The following CADM2 variants were observed in gnomAD, a reference collection of about 807,000 sequenced individuals.
The protein encoded by CADM2 is immunoglobulin superfamily member 4D.
A neutral mutation model predicts 49.8 loss-of-function variants in CADM2; 12 were observed. The observed-to-expected ratio is 0.24, with a 90% CI of 0.15 to 0.39. CADM2 has a LOEUF of 0.39. CADM2 is among the 10% of genes least tolerant of loss of function. The pLI is 1.00. For synonymous variants in CADM2, 214 were observed against 175.4 expected, an observed-to-expected ratio of 1.22 and a Z score of -1.74; for missense variants, 378 against 492.3, an observed-to-expected ratio of 0.77 and a Z score of 2.20.
rs906303557 is a variant in CADM2 at position 86,017,306 on chromosome 3, G to A, written c.971-48299G>A. ...AGTTCTATGATTTGGTCAAATAGAT[G>A]TTATTCCTAAGCTCCTAGACATGTT... On this transcript the variant is annotated intron_variant, in intron 8 of 9. Transcript: ENST00000383699. Among the ~76,000 whole-genome samples the A allele has an allele frequency of 7.9e-5, 12 of 151,770 alleles. 1 individual carries two copies. The highest frequency in any genetic ancestry group is 4.6e-4 in the Admixed American group (7 of 15,210).
intron 1 of CADM2, among the ~76,000 whole-genome samples, chr3:85,064,880 A>G (rs1355250003): frequency 1.3e-5 from 2 of 152,014 alleles, no homozygotes; most frequent in Non-Finnish European, 2.9e-5. Flanking sequence ...CACTGTGCAC[A>G]TTTTCTCTTC....
chr3:85,049,502 CA>C (rs897866642), intron 1 of CADM2, among the ~76,000 whole-genome samples: 10 of 151,866 alleles, frequency 6.6e-5, no homozygotes, highest in African/African-American at 1.7e-4. Flanking sequence ...AGGCTCACAC[CA>C]CCACACCCGG....
intron 2 of CADM2, among the ~76,000 whole-genome samples, chr3:85,730,645 T>C (rs2067892229): frequency 6.6e-6 from 1 of 152,128 alleles, no homozygotes; most frequent in Non-Finnish European, 1.5e-5. Context: ...AGAAAGGTAC[T>C]TTAAAGTAGT....
intron 1 of CADM2, among the ~76,000 whole-genome samples, chr3:85,522,497 A>G (rs980419108): frequency 6.6e-6 from 1 of 152,280 alleles, no homozygotes; most frequent in East Asian, 1.9e-4. Context: ...TTAATACTGT[A>G]GTCAAATTGT....
chr3:85,302,307 A>G (rs1197449820), intron 1 of CADM2, among the ~76,000 whole-genome samples: 1 of 152,040 alleles, frequency 6.6e-6, no homozygotes, highest in Non-Finnish European at 1.5e-5. Context: ...GATACATCCC[A>G]GACTTTGAGG....
At chr3:85,522,295 A>T (rs923819453) in intron 1 of CADM2, among the ~76,000 whole-genome samples, 1 of 152,144 alleles carries the variant, frequency 6.6e-6, no homozygotes, top group Admixed American at 6.5e-5. Flanking sequence ...ATCTGAAAAT[A>T]TTTCAAAACT....
intron 1 of CADM2, among the ~76,000 whole-genome samples, chr3:85,498,304 G>A (rs2039986538): frequency 6.6e-6 from 1 of 151,772 alleles, no homozygotes; most frequent in Admixed American, 6.6e-5. Context: ...CCCTTTCACA[G>A]AAAATAACAA....
At position 86,034,194 on chromosome 3, in the gene CADM2, C is replaced by T. The variant is rs528820567; in HGVS notation, c.971-31411C>T. Among the ~76,000 whole-genome samples, 11 of 152,006 alleles carry T rather than the reference C, an allele frequency of 7.2e-5. No individual in the cohort carries two copies. In the East Asian group the frequency reaches 2.1e-3, roughly 29 times the overall value. On this transcript the variant is annotated intron_variant, in intron 8 of 9. Transcript: ENST00000383699. The stretch of plus-strand genomic sequence containing the variant: ...ATTCTTCTTCTCATTTTACTACTTC[C>T]TGGTGAATTTCATCTAATTTAGTCA...
rs570168482 is a variant in CADM2, at chr3:86,006,817, G to A, written c.970+45170G>A. On this transcript the variant is annotated intron_variant, in intron 8 of 9. Transcript: ENST00000383699. ...GCACTTTGGGAGGCTGAGGTGGGCAGATCACCTGAGGTCAGGAGTTCGAGA... is the reference window on the plus strand; with the variant it reads ...GCACTTTGGGAGGCTGAGGTGGGCAAATCACCTGAGGTCAGGAGTTCGAGA... Among the ~76,000 whole-genome samples, 103 of 152,128 alleles carry A rather than the reference G, an allele frequency of 6.8e-4. No homozygotes were observed. In the South Asian group the frequency reaches 0.02, roughly 30 times the overall value.
chr3:85,450,227 G>A (rs993135), intron 1 of CADM2, among the ~76,000 whole-genome samples: 117,490 of 152,032 alleles, frequency 0.77, 47,575 homozygotes, highest in East Asian at 0.95. Flanking sequence ...TTTTTTAATT[G>A]TCACATATGT....
chr3:85,456,335 A>C (rs771224946), intron 1 of CADM2, among the ~76,000 whole-genome samples: 12 of 152,228 alleles, frequency 7.9e-5, no homozygotes, highest in Non-Finnish European at 1.5e-4. Flanking sequence ...GAATCACTAC[A>C]AAGTTAGATT....
intron 1 of CADM2, among the ~76,000 whole-genome samples, chr3:85,465,020 A>G (rs1309830358): frequency 3.3e-5 from 5 of 152,212 alleles, no homozygotes; most frequent in Non-Finnish European, 7.4e-5. Context: ...GTGGTGGCAC[A>G]CGCCTATAGT....
rs551038152 is a variant in CADM2, at chr3:85,592,753, G to A, written c.62-133769G>A. Reference sequence around the variant, plus strand: ...AAGTTCTGGGGTACATGTGCAGAACGTGCAGGTTTGTTACATAGGTATACA... The same window carrying A: ...AAGTTCTGGGGTACATGTGCAGAACATGCAGGTTTGTTACATAGGTATACA... On this transcript the variant is annotated intron_variant, in intron 1 of 9. Transcript: ENST00000383699. Among the ~76,000 whole-genome samples, 8 of 151,816 alleles carry A rather than the reference G, an allele frequency of 5.3e-5. No individual in the cohort carries two copies. In the East Asian group the frequency reaches 1.4e-3, roughly 26 times the overall value.
chr3:85,917,572 C>T lies in CADM2; in HGVS notation c.700+5029C>T, dbSNP rs567617826. Among the ~76,000 whole-genome samples the T allele has an allele frequency of 2.7e-3, 413 of 152,188 alleles. 1 individual carries two copies. Among genetic ancestry groups the T allele is most frequent in the African/African-American group, 9.7e-3 (403 of 41,532 alleles). ...ACCATGCTGTTTTGGTTACTGTAGC[C>T]TTGTAGTATAGTTTGAAGTCAGGTA... On this transcript the variant is annotated intron_variant, in intron 6 of 9. Transcript: ENST00000383699.
At chr3:85,629,474 T>G (rs541133298) in intron 1 of CADM2, among the ~76,000 whole-genome samples, 2 of 151,804 alleles carry the variant, frequency 1.3e-5, no homozygotes, top group Non-Finnish European at 2.9e-5. Context: ...TATAGATGAA[T>G]TGATAGAAAT....
intron 1 of CADM2, among the ~76,000 whole-genome samples, chr3:85,214,539 C>T: frequency 6.6e-6 from 1 of 151,976 alleles, no homozygotes; most frequent in East Asian, 1.9e-4. Context: ...TCTCCCCCAC[C>T]CCCCAACCCT....
intron 8 of CADM2, among the ~76,000 whole-genome samples, chr3:85,976,417 A>G (rs1362674361): frequency 2.0e-5 from 3 of 151,606 alleles, no homozygotes; most frequent in African/African-American, 7.2e-5. Flanking sequence ...AACTAATTCA[A>G]TTGATCTTAC....
In CADM2 at chr3:85,027,329, T is replaced by C. The variant is rs2034780953; in HGVS notation, c.61+67661T>C. ...TGGGGTTTCACCGTGTTAGCCAGGA[T>C]GGTCTCAATCTCCGGACTTCGTGAT... On this transcript the variant is annotated intron_variant, in intron 1 of 9. Transcript: ENST00000383699. Among the ~76,000 whole-genome samples the C allele has an allele frequency of 5.3e-5, 8 of 152,012 alleles. No homozygotes were observed. The South Asian group carries it at 1.7e-3, about 32-fold the overall frequency.
intron 1 of CADM2, among the ~76,000 whole-genome samples, chr3:85,533,850 A>G (rs947522743): frequency 6.6e-6 from 1 of 152,190 alleles, no homozygotes; most frequent in Non-Finnish European, 1.5e-5. Context: ...ATTCTGGTCA[A>G]TGCTTAATTT....
Sources: allele counts gnomAD v4.1 joint callset (sites outside exome capture counted in the v4.1 genomes callset), GRCh38; gene constraint gnomAD v4.1.1; transcripts MANE v1.5; gene names NCBI Gene and HGNC (gene_info 2026-07-23, HGNC 2026-07-21).